The following SNTN variants were observed in gnomAD, a reference collection of about 807,000 sequenced individuals.
SNTN encodes the protein sentan, cilia apical structure protein.
Under a neutral mutation model 12.3 loss-of-function variants are expected in SNTN, and 13 were observed. That is an observed-to-expected ratio of 1.05 (90% CI 0.69 to 1.67). SNTN has a LOEUF of 1.67. Ranked by LOEUF, SNTN falls within the 40% of genes most tolerant of loss-of-function variation. SNTN has a pLI of 0.00. For missense variants in SNTN, 189 were observed against 169.8 expected (o/e 1.11, Z -0.63); for synonymous variants, 69 against 58.5 (o/e 1.18, Z -0.82).
chr3:63,662,991 T>C (rs140275495), intron 3 of SNTN, among the ~76,000 whole-genome samples: 95 of 152,348 alleles, frequency 6.2e-4, no homozygotes, highest in Non-Finnish European at 1.1e-3. Flanking sequence ...GTTTGATTTA[T>C]AATCAAACTA....
intron 3 of SNTN, chr3:63,663,598 C>T (rs547785674): frequency 8.1e-5 from 22 of 270,494 alleles, no homozygotes; most frequent in African/African-American, 4.7e-4. Context: ...TGAGTTCTCA[C>T]TCTGTTAGTT....
chr3:63,658,583 A>G (rs1700708472), intron 2 of SNTN, among the ~76,000 whole-genome samples: 2 of 151,880 alleles, frequency 1.3e-5, no homozygotes, highest in African/African-American at 4.8e-5. Flanking sequence ...TAAAAAAAAA[A>G]TAGGGACAAG....
chr3:63,654,350 G>A (rs1047870922), intron 1 of SNTN, among the ~76,000 whole-genome samples: 1 of 152,180 alleles, frequency 6.6e-6, no homozygotes, highest in African/African-American at 2.4e-5. Context: ...GTCTGTGACT[G>A]TTTTACTCCA....
chr3:63,656,931 T>A (rs1243747382), intron 2 of SNTN, among the ~76,000 whole-genome samples: 1 of 152,072 alleles, frequency 6.6e-6, no homozygotes, highest in Admixed American at 6.6e-5. Context: ...TCTTCATCGA[T>A]AGAGTGGGGG....
At chr3:63,653,027 G>A (rs1043229326) in intron 1 of SNTN, among the ~76,000 whole-genome samples, 2 of 152,156 alleles carry the variant, frequency 1.3e-5, no homozygotes, top group Non-Finnish European at 2.9e-5. Flanking sequence ...ATTGCCTCTT[G>A]AGAAACATTT....
rs1700771194 is a variant in SNTN at position 63,663,933 on chromosome 3, A to G, written c.286-4A>G. On this transcript the variant is annotated splice_polypyrimidine_tract_variant and splice_region_variant and intron_variant, in intron 3 of 3. Transcript: ENST00000343837. Reference sequence around the variant, plus strand: ...ATTCGGTTTTTATTTCTCCATTCTCACAGGGACAAGAAACCAAGCCAAAAT... The same window carrying G: ...ATTCGGTTTTTATTTCTCCATTCTCGCAGGGACAAGAAACCAAGCCAAAAT... The G allele has an allele frequency of 6.2e-7, 1 of 1,609,122 alleles. No homozygotes were observed. Among genetic ancestry groups the G allele is most frequent in the African/African-American group, 1.3e-5 (1 of 74,594 alleles).
Position 63,664,337 on chromosome 3 carries a change from A to C in SNTN, c.*242A>C. On this transcript the variant is annotated 3_prime_UTR_variant, in exon 4 of 4. Transcript: ENST00000343837. Reference sequence around the variant, plus strand: ...TAGATTTGATACCACTGAATAATAAATGGCTTTTGCTGAGTCAGTAGCGAC... The same window carrying C: ...TAGATTTGATACCACTGAATAATAACTGGCTTTTGCTGAGTCAGTAGCGAC... 2 of 385,644 alleles carry C rather than the reference A, an allele frequency of 5.2e-6. No homozygotes were observed. Among genetic ancestry groups the C allele is most frequent in the East Asian group, 4.9e-5 (1 of 20,540 alleles). The allele number at this position is 385,644 out of a possible 1,614,324, so 23.9% of individuals were successfully genotyped here.
intron 1 of SNTN, 128 bp downstream of exon 1, chr3:63,652,925 C>A (rs575078207): frequency 2.4e-5 from 18 of 737,254 alleles, no homozygotes; most frequent in Non-Finnish European, 4.0e-5. Context: ...TACCCTAATC[C>A]GGCTTTAAAT....
Position 63,654,490 on chromosome 3 carries a change from C to T in SNTN, c.111-272C>T, listed in dbSNP as rs1173652941. On this transcript the variant is annotated intron_variant, in intron 1 of 3. Coordinates refer to ENST00000343837, the MANE Select transcript of SNTN (RefSeq NM_001080537.2). ...ATGGAAGGTATTCACTTCTCTTCTG[C>T]TCCATTTCCGTCTGGAGGAACTTAG... 2.6e-5 allele frequency among the ~76,000 whole-genome samples: 4 copies of T among 152,272 alleles called. No homozygotes were observed. In the East Asian group the frequency reaches 7.7e-4, roughly 29 times the overall value.
intron 2 of SNTN, 45 bp from the exon 3 acceptor site, chr3:63,659,680 T>C: frequency 6.2e-7 from 1 of 1,610,466 alleles, no homozygotes; most frequent in Non-Finnish European, 8.5e-7. Context: ...GGGGAAGGGT[T>C]ATTTCTAACT....
chr3:63,660,004 G>C (rs1700726787), intron 3 of SNTN, 140 bp downstream of exon 3: 3 of 975,318 alleles, frequency 3.1e-6, no homozygotes, highest in Non-Finnish European at 4.6e-6. Flanking sequence ...ATGCCAGGCA[G>C]TGAGCTGCAC....
At chr3:63,653,199 C>CA (rs1700639408) in intron 1 of SNTN, among the ~76,000 whole-genome samples, 1 of 152,110 alleles carries the variant, frequency 6.6e-6, no homozygotes, top group Admixed American at 6.5e-5. Context: ...GCTTTAGTTT[C>CA]AAAAACCTTT....
rs540119910 is a variant in SNTN, at chr3:63,659,864, G to A, written c.285G>A (p.Glu95=). ...LLQTQFRNFA[E]GQETKPKYRE... ...AAACCCAATTTAGGAATTTCGCAGA[G>A]GTGAGAGAATTAACTTGCATAAAGA... The change falls in exon 3 of 4, where the codon GAG becomes GAA. Residue 95 remains glutamate (E), a splice_region_variant and synonymous_variant. Coordinates refer to ENST00000343837, the MANE Select transcript of SNTN (RefSeq NM_001080537.2). 1.2e-6 allele frequency: 2 copies of A among 1,613,874 alleles called. No homozygotes were observed. The highest frequency in any genetic ancestry group is 1.7e-6 in the Non-Finnish European group (2 of 1,179,870).
rs745587386 is a variant in SNTN at position 63,654,770 on chromosome 3, T to A, written c.119T>A (p.Ile40Lys). 1 of 1,613,108 alleles carries A rather than the reference T, an allele frequency of 6.2e-7. No individual in the cohort carries two copies. The highest frequency in any genetic ancestry group is 1.7e-5 in the Admixed American group (1 of 59,912). ...TTTCATTTTGTTGGCAGGATTTCAA[T>A]ATCCAAACAACTGGCTTCAGTGAAA... The part of the protein sequence containing the change: ...APRKMPKRIS[I>K]SKQLASVKAL... Residue 40 changes from isoleucine to lysine, a missense_variant, in exon 2 of 4, where the codon ATA (isoleucine) becomes AAA (lysine). By Grantham distance (102) the Ile-to-Lys change is moderately radical (BLOSUM62 -3). Transcript: ENST00000343837.
In SNTN at chr3:63,663,967, A is replaced by T. The variant is rs111343679; in HGVS notation, c.316A>T (p.Ile106Phe). Reference sequence around the variant, plus strand: ...AGAAACCAAGCCAAAATACAGAGAGATCCTTTCTGAACTTGATGAGCACAC... The same window carrying T: ...AGAAACCAAGCCAAAATACAGAGAGTTCCTTTCTGAACTTGATGAGCACAC... ...GQETKPKYRE[I>F]LSELDEHTEN... Residue 106 changes from isoleucine to phenylalanine, a missense_variant, in exon 4 of 4, where the codon ATC (isoleucine) becomes TTC (phenylalanine). By Grantham distance (21) the Ile-to-Phe change is conservative (BLOSUM62 0). Coordinates refer to ENST00000343837, the MANE Select transcript of SNTN (RefSeq NM_001080537.2). The T allele has an allele frequency of 1.9e-6, 3 of 1,613,180 alleles. No homozygotes were observed. The highest frequency in any genetic ancestry group is 1.7e-5 in the Admixed American group (1 of 59,846).
At chr3:63,663,640 G>A in intron 3 of SNTN, 1 of 407,462 alleles carries the variant, frequency 2.5e-6, no homozygotes, top group Non-Finnish European at 4.6e-6. Flanking sequence ...AAAGAGCCTG[G>A]AACCCTCCCT....
In SNTN at chr3:63,663,934, C is replaced by T. The variant is rs764558857; in HGVS notation, c.286-3C>T. On this transcript the variant is annotated splice_polypyrimidine_tract_variant and splice_region_variant and intron_variant, in intron 3 of 3. Transcript: ENST00000343837. ...TTCGGTTTTTATTTCTCCATTCTCACAGGGACAAGAAACCAAGCCAAAATA... is the reference window on the plus strand; with the variant it reads ...TTCGGTTTTTATTTCTCCATTCTCATAGGGACAAGAAACCAAGCCAAAATA... 2 of 1,608,928 alleles carry T rather than the reference C, an allele frequency of 1.2e-6. No individual in the cohort carries two copies. The highest frequency in any genetic ancestry group is 1.7e-5 in the Admixed American group (1 of 58,920).
intron 3 of SNTN, among the ~76,000 whole-genome samples, chr3:63,663,377 G>A (rs922898088): frequency 1.3e-5 from 2 of 152,134 alleles, no homozygotes; most frequent in Non-Finnish European, 2.9e-5. Context: ...ATTTCACATG[G>A]TGTTTTACTG....
intron 3 of SNTN, among the ~76,000 whole-genome samples, chr3:63,660,425 T>C (rs1700731364): frequency 6.6e-6 from 1 of 151,818 alleles, no homozygotes; most frequent in African/African-American, 2.4e-5. Flanking sequence ...CCAGCTGCAG[T>C]ACAGAGAACA....
Sources: allele counts gnomAD v4.1 joint callset (sites outside exome capture counted in the v4.1 genomes callset), GRCh38; gene constraint gnomAD v4.1.1; transcripts MANE v1.5; gene names NCBI Gene and HGNC (gene_info 2026-07-23, HGNC 2026-07-21).